Variants in STXBP6 observed in about 807,000 individuals in gnomAD.
The protein encoded by STXBP6 is syntaxin-binding protein 6.
Under a neutral mutation model 26.9 loss-of-function variants are expected in STXBP6, and 21 were observed. The observed-to-expected ratio is 0.78, with a 90% CI of 0.55 to 1.12. The LOEUF (loss-of-function observed/expected upper bound fraction) is 1.12, where lower values mean the gene tolerates loss of function less well. STXBP6 is among the 50% of genes most tolerant of loss of function. The pLI is 0.00. For synonymous variants in STXBP6, 97 were observed against 92.6 expected, an observed-to-expected ratio of 1.05 and a Z score of -0.27; for missense variants, 232 against 257.9, an observed-to-expected ratio of 0.90 and a Z score of 0.69.
At chr14:24,914,197 C>T (rs1160453592) in intron 2 of STXBP6, among the ~76,000 whole-genome samples, 2 of 152,010 alleles carry the variant, frequency 1.3e-5, no homozygotes, top group East Asian at 1.9e-4. Context: ...TCTGTCATCC[C>T]GAGACTATCT....
rs939091181 is a variant in STXBP6 at position 25,049,975 on chromosome 14, G to C, written c.-130C>G. On this transcript the variant is annotated 5_prime_UTR_variant, in exon 1 of 6. Coordinates refer to ENST00000323944, the MANE Select transcript of STXBP6 (RefSeq NM_001394410.1). The surrounding 1 kb of genome is among the most constrained non-coding windows in gnomAD (Gnocchi z 5.6). ...GGGGCTGCCCCGCGCGGGGCTCCGG[G>C]CTCCGGACAAGGCTTAGCCGGCCCG... The C allele has an allele frequency of 1.2e-5, 9 of 739,722 alleles. No homozygotes were observed. Among genetic ancestry groups the C allele is most frequent in the African/African-American group, 5.7e-5 (3 of 52,564 alleles). The allele number at this position is 739,722 out of a possible 1,614,324, so 45.8% of individuals were successfully genotyped here. A position where few individuals can be genotyped will look rare whatever the true frequency, so the allele number is the denominator to read the frequency against.
chr14:24,830,574 GA>G (rs1365278236), intron 4 of STXBP6, among the ~76,000 whole-genome samples: 1 of 152,146 alleles, frequency 6.6e-6, no homozygotes, highest in Non-Finnish European at 1.5e-5. Flanking sequence ...CTTGGAGGGT[GA>G]ACAGATATGA....
chr14:24,900,896 G>C (rs2071187940), intron 2 of STXBP6, among the ~76,000 whole-genome samples: 1 of 152,142 alleles, frequency 6.6e-6, no homozygotes, highest in African/African-American at 2.4e-5. Flanking sequence ...AGAAATAAAT[G>C]ATAACCAACA....
At chr14:24,891,373 T>G (rs1806810854) in intron 2 of STXBP6, among the ~76,000 whole-genome samples, 1 of 152,208 alleles carries the variant, frequency 6.6e-6, no homozygotes, top group African/African-American at 2.4e-5. Context: ...ATGCCTTGAA[T>G]ACTCAGTTCA....
chr14:24,962,531 T>G (rs927059799), intron 2 of STXBP6, among the ~76,000 whole-genome samples: 7 of 151,988 alleles, frequency 4.6e-5, no homozygotes, highest in African/African-American at 1.7e-4. Flanking sequence ...TTTCTCCACG[T>G]TGGCCAGGCT....
At chr14:24,823,863 C>T (rs1296805217) in intron 4 of STXBP6, among the ~76,000 whole-genome samples, 1 of 152,102 alleles carries the variant, frequency 6.6e-6, no homozygotes, top group African/African-American at 2.4e-5. Flanking sequence ...GGTAGGGAGA[C>T]CTATTATATT....
In STXBP6 at chr14:24,920,114, G is replaced by A. The variant is rs189693984; in HGVS notation, c.154+54551C>T. On this transcript the variant is annotated intron_variant, in intron 2 of 5. Transcript: ENST00000323944. ...AGACCAGAATATCAACAGCATCTACGTATCAAAAAGCACTACAAACATCTT... is the reference window on the plus strand; with the variant it reads ...AGACCAGAATATCAACAGCATCTACATATCAAAAAGCACTACAAACATCTT... Among the ~76,000 whole-genome samples the A allele has an allele frequency of 1.8e-4, 27 of 152,044 alleles. No individual in the cohort carries two copies. In the South Asian group the frequency reaches 2.1e-3, roughly 12 times the overall value.
intron 2 of STXBP6, among the ~76,000 whole-genome samples, chr14:24,971,679 A>G (rs1346592296): frequency 6.6e-6 from 1 of 152,164 alleles, no homozygotes; most frequent in Non-Finnish European, 1.5e-5. Flanking sequence ...CCTCTCACCC[A>G]CACAATCCTC....
intron 2 of STXBP6, among the ~76,000 whole-genome samples, chr14:24,891,083 T>G (rs551095898): frequency 7.2e-4 from 109 of 152,352 alleles, no homozygotes; most frequent in African/African-American, 2.4e-3. Flanking sequence ...TGCTCAGTTA[T>G]GTCCTTGTTC....
chr14:24,937,466 T>G (rs1200844866), intron 2 of STXBP6, among the ~76,000 whole-genome samples: 2 of 152,188 alleles, frequency 1.3e-5, no homozygotes, highest in Admixed American at 6.5e-5. Context: ...GCAATTACAC[T>G]CAACCTGTCT....
At chr14:24,914,377 C>T (rs2071681335) in intron 2 of STXBP6, among the ~76,000 whole-genome samples, 1 of 152,038 alleles carries the variant, frequency 6.6e-6, no homozygotes, top group Admixed American at 6.6e-5. Flanking sequence ...TAGTCAAATG[C>T]TTGGCTTTTT....
At chr14:25,036,754 G>C (rs1404838939) in intron 1 of STXBP6, among the ~76,000 whole-genome samples, 14 of 151,412 alleles carry the variant, frequency 9.2e-5, no homozygotes. Context: ...TACTCAGGAG[G>C]CTGAGGTAGG....
chr14:25,042,768 C>G (rs746104935), intron 1 of STXBP6, among the ~76,000 whole-genome samples: 1 of 152,208 alleles, frequency 6.6e-6, no homozygotes. Context: ...TGAATCAGAA[C>G]CAGCATTCTA....
intron 1 of STXBP6, among the ~76,000 whole-genome samples, chr14:24,994,683 C>T (rs1257058084): frequency 6.6e-6 from 1 of 152,180 alleles, no homozygotes; most frequent in Non-Finnish European, 1.5e-5. Flanking sequence ...TCTAGAAAGG[C>T]AGGTGGCTTA....
chr14:24,903,966 C>T (rs2071299461), intron 2 of STXBP6, among the ~76,000 whole-genome samples: 1 of 152,162 alleles, frequency 6.6e-6, no homozygotes, highest in Non-Finnish European at 1.5e-5. Flanking sequence ...TCTTCATTTT[C>T]TTTGCTACAT....
At chr14:24,844,892 CA>C in intron 4 of STXBP6, among the ~76,000 whole-genome samples, 1 of 152,022 alleles carries the variant, frequency 6.6e-6, no homozygotes. Context: ...AGAGGTACAC[CA>C]CCAAGTTATT....
chr14:24,944,137 A>C lies in STXBP6; in HGVS notation c.154+30528T>G, dbSNP rs368818338. On this transcript the variant is annotated intron_variant, in intron 2 of 5. Transcript: ENST00000323944. ...CAACAAAAAGCTATCACTTCAAGGAACCAACGAGTGAAAACAGGTTGACAA... is the reference window on the plus strand; with the variant it reads ...CAACAAAAAGCTATCACTTCAAGGACCCAACGAGTGAAAACAGGTTGACAA... 6.9e-4 allele frequency among the ~76,000 whole-genome samples: 105 copies of C among 152,332 alleles called. 1 individual carries two copies. Among genetic ancestry groups the C allele is most frequent in the African/African-American group, 2.5e-3 (102 of 41,582 alleles).
At chr14:25,015,859 G>A (rs1057152364) in intron 1 of STXBP6, among the ~76,000 whole-genome samples, 5 of 151,438 alleles carry the variant, frequency 3.3e-5, no homozygotes, top group Admixed American at 2.6e-4. Context: ...ATTCTGGGAG[G>A]CTGAACTCAA....
chr14:24,837,623 C>T (rs1250072340), intron 4 of STXBP6, among the ~76,000 whole-genome samples: 1 of 152,180 alleles, frequency 6.6e-6, no homozygotes, highest in Admixed American at 6.5e-5. Flanking sequence ...CCTAACATCC[C>T]AGTCAAGTTA....
Sources: gnomAD v4.1 joint callset for allele counts (sites outside exome capture counted in the v4.1 genomes callset) on GRCh38, gnomAD v4.1.1 for gene constraint, Gnocchi (gnomAD v3.1) non-coding constraint, MANE v1.5 for transcripts, NCBI Gene and HGNC (gene_info 2026-07-23, HGNC 2026-07-21) for gene names.